The following MIPOL1 variants were observed in gnomAD, a reference collection of about 807,000 sequenced individuals.
MIPOL1 encodes mirror-image polydactyly 1.
A neutral mutation model predicts 60.9 loss-of-function variants in MIPOL1; 57 were observed. That is an observed-to-expected ratio of 0.94 (90% CI 0.76 to 1.17). The LOEUF is 1.17. MIPOL1 is among the 50% of genes most tolerant of loss of function. The pLI, the probability that MIPOL1 is intolerant of heterozygous loss-of-function variation, is 0.00. For missense variants in MIPOL1, 551 were observed against 511.6 expected, an observed-to-expected ratio of 1.08 and a Z score of -0.74; for synonymous variants, 179 against 168.8, an observed-to-expected ratio of 1.06 and a Z score of -0.47.
intron 10 of MIPOL1, among the ~76,000 whole-genome samples, chr14:37,372,411 T>C (rs1011140018): frequency 1.3e-5 from 2 of 152,112 alleles, no homozygotes; most frequent in Non-Finnish European, 2.9e-5. Flanking sequence ...ATTAGATTTT[T>C]GGTGATCATT....
intron 11 of MIPOL1, among the ~76,000 whole-genome samples, chr14:37,436,501 T>A (rs1284077232): frequency 1.3e-5 from 2 of 152,234 alleles, no homozygotes. Flanking sequence ...AGCTAATAAT[T>A]GAAGACCTTT....
At chr14:37,235,793 A>G (rs1436359116) in intron 1 of MIPOL1, among the ~76,000 whole-genome samples, 1 of 152,038 alleles carries the variant, frequency 6.6e-6, no homozygotes, top group Non-Finnish European at 1.5e-5. Flanking sequence ...TTCTATCTCT[A>G]TGAATCTGCC....
chr14:37,475,769 C>T (rs546045720), intron 11 of MIPOL1, among the ~76,000 whole-genome samples: 2 of 151,652 alleles, frequency 1.3e-5, no homozygotes, highest in East Asian at 3.9e-4. Context: ...GCTCTCTTCT[C>T]TTCCATTGAT....
chr14:37,430,536 A>G (rs886151629), intron 11 of MIPOL1, among the ~76,000 whole-genome samples: 2 of 150,552 alleles, frequency 1.3e-5, no homozygotes, highest in Admixed American at 1.3e-4. Flanking sequence ...CATTTTCTGT[A>G]TGTCCAGTGA....
chr14:37,303,359 C>T (rs1998020), intron 7 of MIPOL1, among the ~76,000 whole-genome samples: 1 of 151,778 alleles, frequency 6.6e-6, no homozygotes, highest in East Asian at 1.9e-4. Flanking sequence ...GATCCTCCTC[C>T]TTAATCCCTT....
At chr14:37,475,500 C>T (rs1214900985) in intron 11 of MIPOL1, among the ~76,000 whole-genome samples, 2 of 151,674 alleles carry the variant, frequency 1.3e-5, no homozygotes, top group African/African-American at 4.8e-5. Context: ...ATCATCAAGC[C>T]CAAGGTCACC....
chr14:37,486,352 G>T (rs1317160893), intron 11 of MIPOL1, among the ~76,000 whole-genome samples: 1 of 152,016 alleles, frequency 6.6e-6, no homozygotes, highest in African/African-American at 2.4e-5. Context: ...TTTAAAGTAG[G>T]TTTTTTCAAT....
At chr14:37,383,682 C>T (rs1026700908) in intron 10 of MIPOL1, among the ~76,000 whole-genome samples, 1 of 151,876 alleles carries the variant, frequency 6.6e-6, no homozygotes, top group East Asian at 1.9e-4. Context: ...GAAAGAATTA[C>T]CAAGAAAACT....
intron 1 of MIPOL1, among the ~76,000 whole-genome samples, chr14:37,235,928 A>AG (rs1208585249): frequency 2.7e-5 from 4 of 150,160 alleles, no homozygotes; most frequent in Non-Finnish European, 5.9e-5. Flanking sequence ...TAGTATTTTC[A>AG]ATTTTTTTTT....
At chr14:37,510,281 C>G (rs1019865620) in intron 12 of MIPOL1, among the ~76,000 whole-genome samples, 1 of 151,996 alleles carries the variant, frequency 6.6e-6, no homozygotes, top group African/African-American at 2.4e-5. Flanking sequence ...GGGTCTTGCT[C>G]TGTTGCCCAG....
rs112353937 is a variant in MIPOL1, at chr14:37,340,201, A to G, written c.829-29316A>G. Among the ~76,000 whole-genome samples, 1,124 of 152,148 alleles carry G rather than the reference A, an allele frequency of 7.4e-3. 15 individuals are homozygous for G. Among genetic ancestry groups the G allele is most frequent in the African/African-American group, 0.025 (1,055 of 41,498 alleles). ...CTTTACTGTATTGCTGCTGTGATGT[A>G]GTTGGTCCTGACCCTAGGTTAATGT... On this transcript the variant is annotated intron_variant, in intron 9 of 12. Coordinates refer to ENST00000684589, the MANE Select transcript of MIPOL1 (RefSeq NM_001388067.1).
intron 10 of MIPOL1, among the ~76,000 whole-genome samples, chr14:37,395,133 C>A (rs2093346421): frequency 6.6e-6 from 1 of 152,118 alleles, no homozygotes; most frequent in Non-Finnish European, 1.5e-5. Flanking sequence ...TGTTTTTATA[C>A]CAGTACCATG....
intron 9 of MIPOL1, among the ~76,000 whole-genome samples, chr14:37,361,798 C>T (rs561305242): frequency 6.6e-6 from 1 of 151,656 alleles, no homozygotes; most frequent in East Asian, 1.9e-4. Context: ...TCGTAGAGTC[C>T]GGGTTGCACC....
chr14:37,344,006 A>G (rs767900846), intron 9 of MIPOL1, among the ~76,000 whole-genome samples: 11 of 152,142 alleles, frequency 7.2e-5, no homozygotes, highest in Non-Finnish European at 1.5e-4. Flanking sequence ...ATTATTTTGA[A>G]GGAAATCCAG....
downstream of MIPOL1, chr14:37,551,751 CG>C (rs1162299305): frequency 6.6e-6 from 1 of 151,492 alleles, no homozygotes; most frequent in East Asian, 1.9e-4. Context: ...TGGTGGCGGG[CG>C]CCTGTAGTCC....
intron 9 of MIPOL1, among the ~76,000 whole-genome samples, chr14:37,314,080 T>C (rs2087624914): frequency 6.6e-6 from 1 of 152,188 alleles, no homozygotes; most frequent in Non-Finnish European, 1.5e-5. Context: ...TATCTAAATT[T>C]ATTATCACTC....
intron 9 of MIPOL1, among the ~76,000 whole-genome samples, chr14:37,345,224 C>T (rs1165671778): frequency 6.6e-6 from 1 of 150,424 alleles, no homozygotes; most frequent in East Asian, 2.0e-4. Flanking sequence ...CCATCTCAGC[C>T]TTCTGAGTAG....
Position 37,294,878 on chromosome 14 carries a change from C to A in MIPOL1, c.623+9431C>A, listed in dbSNP as rs1159699183. ...GAATGGAATCAAGTTGGAAAACACT[C>A]TGCAGGATATCATCCAGGAGAACTT... On this transcript the variant is annotated intron_variant, in intron 7 of 12. Transcript: ENST00000684589. 2.0e-5 allele frequency among the ~76,000 whole-genome samples: 3 copies of A among 152,154 alleles called. No homozygotes were observed. The East Asian group carries it at 5.8e-4, about 29-fold the overall frequency.
intron 12 of MIPOL1, among the ~76,000 whole-genome samples, chr14:37,515,402 T>A (rs1032142469): frequency 6.6e-6 from 1 of 152,124 alleles, no homozygotes; most frequent in East Asian, 1.9e-4. Flanking sequence ...GTAAATGATA[T>A]TTTGGAACCT....
Sources: allele counts gnomAD v4.1 joint callset (sites outside exome capture counted in the v4.1 genomes callset), GRCh38; gene constraint gnomAD v4.1.1; transcripts MANE v1.5; gene names NCBI Gene and HGNC (gene_info 2026-07-23, HGNC 2026-07-21).